The following CNNM4 variants were observed in gnomAD, a reference collection of about 807,000 sequenced individuals.
The protein encoded by CNNM4 is metal transporter CNNM4.
CNNM4 carries 32 observed loss-of-function variants against 53.7 expected under a neutral mutation model. The ratio of observed to expected loss-of-function variants is 0.60; its 90% CI spans 0.45 to 0.80. The LOEUF (loss-of-function observed/expected upper bound fraction) is 0.80. Ranked by LOEUF, CNNM4 falls within the 30% of genes least tolerant of loss-of-function variation. The pLI, the probability that CNNM4 is intolerant of heterozygous loss-of-function variation, is 0.00. For synonymous variants in CNNM4, 410 were observed against 440.0 expected, an observed-to-expected ratio of 0.93 and a Z score of 0.85; for missense variants, 784 against 1,022.0, an observed-to-expected ratio of 0.77 and a Z score of 3.17.
At chr2:96,766,656 C>CT (rs1489685081) in intron 1 of CNNM4, among the ~76,000 whole-genome samples, 5 of 152,188 alleles carry the variant, frequency 3.3e-5, no homozygotes, top group African/African-American at 1.2e-4. Context: ...TGTCTACTGT[C>CT]TGTCTCCTCC....
Position 96,809,791 on chromosome 2 carries a change from T to C in CNNM4, c.*274T>C. On this transcript the variant is annotated 3_prime_UTR_variant, in exon 7 of 7. Transcript: ENST00000377075. ...TGAGAGAATTTCTAAAGTAGGCTCA[T>C]CACTTTTTTTTAAATATCATTTTGG... 2.7e-6 allele frequency: 1 copy of C among 374,084 alleles called. No individual in the cohort carries two copies. Among genetic ancestry groups the C allele is most frequent in the South Asian group, 7.5e-5 (1 of 13,362 alleles). 23.2% of individuals were successfully genotyped at this position (374,084 alleles called of 1,614,324 possible).
At chr2:96,803,407 T>C (rs1320436405) in intron 5 of CNNM4, among the ~76,000 whole-genome samples, 3 of 152,210 alleles carry the variant, frequency 2.0e-5, no homozygotes, top group Non-Finnish European at 2.9e-5. Flanking sequence ...GGATATCCTT[T>C]CAACAATGAA....
At chr2:96,806,153 A>C (rs1390838836) in intron 5 of CNNM4, among the ~76,000 whole-genome samples, 1 of 151,270 alleles carries the variant, frequency 6.6e-6, no homozygotes, top group African/African-American at 2.4e-5. Flanking sequence ...GCCCTCCCGG[A>C]CGGGGCGGCT....
intron 1 of CNNM4, among the ~76,000 whole-genome samples, chr2:96,772,814 C>G (rs1388446151): frequency 6.8e-6 from 1 of 147,056 alleles, no homozygotes; most frequent in Admixed American, 6.8e-5. Flanking sequence ...CACTCATACC[C>G]GCACATAGGC....
Position 96,811,507 on chromosome 2 carries a change from T to A in CNNM4, c.*1990T>A, listed in dbSNP as rs7585552. The A allele has an allele frequency of 0.029, 4,381 of 152,300 alleles. 213 individuals carry two copies. Among genetic ancestry groups the A allele is most frequent in the African/African-American group, 0.1 (4,200 of 41,360 alleles). 9.4% of individuals were successfully genotyped at this position (152,300 alleles called of 1,614,324 possible). On this transcript the variant is annotated 3_prime_UTR_variant, in exon 7 of 7. Coordinates refer to ENST00000377075, the MANE Select transcript of CNNM4 (RefSeq NM_020184.4). ...ATTGATCATCCCTTCTCACAGAGGG[T>A]CATCATTATTTCCAAATATTGTTTG...
At position 96,797,694 on chromosome 2, in the gene CNNM4, G is replaced by T. The variant is rs776044210; in HGVS notation, c.1681+47G>T. The T allele has an allele frequency of 1.2e-6, 2 of 1,609,652 alleles. No individual in the cohort carries two copies. The highest frequency in any genetic ancestry group is 8.5e-7 in the Non-Finnish European group (1 of 1,179,650). On this transcript the variant is annotated intron_variant, in intron 3 of 6. Coordinates refer to ENST00000377075, the MANE Select transcript of CNNM4 (RefSeq NM_020184.4). The surrounding 1 kb of genome is among the most constrained non-coding windows in gnomAD (Gnocchi z 6.0). ...GGTCTTGGTGGAAATACGGTCACGG[G>T]GGAGAAGTCCTGGGTTTCCGGCTGC... is the stretch of plus-strand genomic sequence containing the variant.
chr2:96,789,977 G>A (rs1475047031), intron 1 of CNNM4, among the ~76,000 whole-genome samples: 1 of 112,430 alleles, frequency 8.9e-6, no homozygotes, highest in Non-Finnish European at 1.7e-5. Flanking sequence ...GGGATTACAG[G>A]CGTGAGCCAA....
At chr2:96,789,881 C>T (rs192379875) in intron 1 of CNNM4, among the ~76,000 whole-genome samples, 3,115 of 150,084 alleles carry the variant, frequency 0.021, 45 homozygotes, top group East Asian at 0.064. Flanking sequence ...TTAGTAGAGA[C>T]GGTGTTTCAC....
intron 1 of CNNM4, among the ~76,000 whole-genome samples, chr2:96,790,231 C>G (rs1199193320): frequency 1.3e-5 from 2 of 151,890 alleles, no homozygotes; most frequent in Admixed American, 6.6e-5. Flanking sequence ...TGGTCTCGAT[C>G]TCCTGACCTC....
chr2:96,808,808 T>C lies in CNNM4; in HGVS notation c.2130+66T>C. The C allele has an allele frequency of 6.5e-7, 1 of 1,534,868 alleles. No individual in the cohort carries two copies. The highest frequency in any genetic ancestry group is 1.1e-5 in the South Asian group (1 of 89,030). ...GCTCAGGAATCAGCTACTACTTTCATCCACCAAACCCAGCATGGTGGGCCC... is the reference window on the plus strand; with the variant it reads ...GCTCAGGAATCAGCTACTACTTTCACCCACCAAACCCAGCATGGTGGGCCC... On this transcript the variant is annotated intron_variant, in intron 6 of 6. Coordinates refer to ENST00000377075, the MANE Select transcript of CNNM4 (RefSeq NM_020184.4). The surrounding 1 kb of genome is among the most constrained non-coding windows in gnomAD (Gnocchi z 4.9).
At position 96,808,784 on chromosome 2, in the gene CNNM4, C is replaced by T. The variant is rs758188369; in HGVS notation, c.2130+42C>T. 3.8e-6 allele frequency: 6 copies of T among 1,593,874 alleles called. No individual in the cohort carries two copies. The highest frequency in any genetic ancestry group is 4.3e-6 in the Non-Finnish European group (5 of 1,162,014). ...CCTGTCTGGGCAGTGCTATCTTCTG[C>T]TCAGGAATCAGCTACTACTTTCATC... On this transcript the variant is annotated intron_variant, in intron 6 of 6. Transcript: ENST00000377075. This position sits in a 1 kb window ranked among gnomAD's most constrained non-coding sequence, Gnocchi z 4.9.
chr2:96,809,644 C>A lies in CNNM4; in HGVS notation c.*127C>A. On this transcript the variant is annotated 3_prime_UTR_variant, in exon 7 of 7. Coordinates refer to ENST00000377075, the MANE Select transcript of CNNM4 (RefSeq NM_020184.4). ...CCTGTCTGACTGAACAGCCAGATGGCCCCCAGCCTATGGGGGATCTGGCCT... is the reference window on the plus strand; with the variant it reads ...CCTGTCTGACTGAACAGCCAGATGGACCCCAGCCTATGGGGGATCTGGCCT... 1.2e-6 allele frequency: 1 copy of A among 840,606 alleles called. No homozygotes were observed. The highest frequency in any genetic ancestry group is 1.9e-6 in the Non-Finnish European group (1 of 527,710). The allele number at this position is 840,606 out of a possible 1,614,324, so 52.1% of individuals were successfully genotyped here.
Position 96,799,245 on chromosome 2 carries a change from G to A in CNNM4, c.1851+19G>A. 1 of 1,614,002 alleles carries A rather than the reference G, an allele frequency of 6.2e-7. No individual in the cohort carries two copies. On this transcript the variant is annotated intron_variant, in intron 4 of 6. Transcript: ENST00000377075. ...CCTGCAGGTGAGCCCGCTCAGCCCT[G>A]GGCCTGCCACCTGCTCCCCCTGGCA...
At chr2:96,780,022 G>A (rs1014104729) in intron 1 of CNNM4, among the ~76,000 whole-genome samples, 3 of 152,114 alleles carry the variant, frequency 2.0e-5, no homozygotes, top group African/African-American at 7.2e-5. Flanking sequence ...GGATGGTCTC[G>A]ATCTCTTGAC....
chr2:96,782,265 A>AG (rs1452995583), intron 1 of CNNM4, among the ~76,000 whole-genome samples: 1 of 152,110 alleles, frequency 6.6e-6, no homozygotes, highest in Non-Finnish European at 1.5e-5. Context: ...TAAAAAAATT[A>AG]GCTGAGTGTG....
At chr2:96,799,729 TGGGCCCGA>T in intron 5 of CNNM4, 81 bp downstream of exon 5, 1 of 1,182,958 alleles carries the variant, frequency 8.5e-7, no homozygotes, top group East Asian at 2.6e-5. Flanking sequence ...GAACTGAGCA[TGGGCCCGA>T]GAGCTCATAG....
In CNNM4 at chr2:96,808,666, A is replaced by G. The variant is rs758268994; in HGVS notation, c.2054A>G (p.Gln685Arg). 1.2e-6 allele frequency: 2 copies of G among 1,614,144 alleles called. No individual in the cohort carries two copies. Among genetic ancestry groups the G allele is most frequent in the Admixed American group, 1.7e-5 (1 of 60,016 alleles). The change falls in exon 6 of 7, where the codon CAG becomes CGG. Residue 685 changes from glutamine to arginine, a missense_variant. Gln to Arg is a conservative substitution (Grantham distance 43, BLOSUM62 1). Coordinates refer to ENST00000377075, the MANE Select transcript of CNNM4 (RefSeq NM_020184.4). This position sits in a 1 kb window ranked among gnomAD's most constrained non-coding sequence, Gnocchi z 4.9. Reference sequence around the variant, plus strand: ...GCAACCTTGGCAGGCAGCAGCAACCAGTTTGGCAGCTCTGTCCTGGGCCAG... The same window carrying G: ...GCAACCTTGGCAGGCAGCAGCAACCGGTTTGGCAGCTCTGTCCTGGGCCAG... The part of the protein sequence containing the change: ...TAATLAGSSN[Q>R]FGSSVLGQYI...
chr2:96,777,179 C>T (rs1317788512), intron 1 of CNNM4, among the ~76,000 whole-genome samples: 2 of 151,972 alleles, frequency 1.3e-5, no homozygotes, highest in Non-Finnish European at 2.9e-5. Flanking sequence ...CGCCACCACA[C>T]CCAGCTAATG....
At chr2:96,781,776 C>CT (rs2078977872) in intron 1 of CNNM4, among the ~76,000 whole-genome samples, 1 of 152,114 alleles carries the variant, frequency 6.6e-6, no homozygotes, top group Non-Finnish European at 1.5e-5. Context: ...CAAAGCCCAA[C>CT]TGGGTAATCA....
Sources: gnomAD v4.1 joint callset for allele counts (sites outside exome capture counted in the v4.1 genomes callset) on GRCh38, gnomAD v4.1.1 for gene constraint, Gnocchi (gnomAD v3.1) non-coding constraint, MANE v1.5 for transcripts, NCBI Gene and HGNC (gene_info 2026-07-23, HGNC 2026-07-21) for gene names.